The following BMPR1B variants were observed in gnomAD, a reference collection of about 807,000 sequenced individuals.
The protein encoded by BMPR1B is bone morphogenetic protein receptor type 1B.
A neutral mutation model predicts 59.1 loss-of-function variants in BMPR1B; 12 were observed. The ratio of observed to expected loss-of-function variants is 0.20; its 90% CI spans 0.13 to 0.33. The LOEUF is 0.33. Ranked by LOEUF, BMPR1B falls within the 10% of genes least tolerant of loss-of-function variation. BMPR1B has a pLI of 1.00. For missense variants in BMPR1B, 550 were observed against 610.9 expected (o/e 0.90, Z 1.05); for synonymous variants, 237 against 207.3 (o/e 1.14, Z -1.23).
chr4:94,810,514 G>T (rs184689635), intron 1 of BMPR1B, among the ~76,000 whole-genome samples: 6 of 152,110 alleles, frequency 3.9e-5, no homozygotes, highest in African/African-American at 1.4e-4. Context: ...TTGTGTTGTT[G>T]CCCAGAGGAC....
chr4:94,839,956 G>GT (rs1488899402), intron 1 of BMPR1B, among the ~76,000 whole-genome samples: 1 of 151,648 alleles, frequency 6.6e-6, no homozygotes, highest in Non-Finnish European at 1.5e-5. Context: ...GGCAGGCCTG[G>GT]TGGTGACAAA....
intron 3 of BMPR1B, among the ~76,000 whole-genome samples, chr4:95,004,667 T>C (rs1722695876): frequency 6.6e-6 from 1 of 152,188 alleles, no homozygotes; most frequent in Non-Finnish European, 1.5e-5. Flanking sequence ...TCTACTTCTC[T>C]CTATACCAAT....
intron 2 of BMPR1B, among the ~76,000 whole-genome samples, chr4:94,912,187 C>A (rs1728301330): frequency 6.6e-6 from 1 of 152,106 alleles, no homozygotes; most frequent in Non-Finnish European, 1.5e-5. Flanking sequence ...AATTATCTCC[C>A]ACCGGGTCCC....
chr4:95,034,774 T>C (rs547136473), intron 3 of BMPR1B, among the ~76,000 whole-genome samples: 2 of 151,930 alleles, frequency 1.3e-5, no homozygotes, highest in African/African-American at 4.8e-5. Context: ...ATAACTTTTT[T>C]TTCCCTCTGG....
At chr4:94,814,124 A>T (rs933860547) in intron 1 of BMPR1B, among the ~76,000 whole-genome samples, 2 of 152,222 alleles carry the variant, frequency 1.3e-5, no homozygotes, top group Non-Finnish European at 2.9e-5. Flanking sequence ...CTCAAATCCG[A>T]TCTGTTCAGG....
At chr4:95,009,225 C>A (rs1482169049) in intron 3 of BMPR1B, among the ~76,000 whole-genome samples, 1 of 152,088 alleles carries the variant, frequency 6.6e-6, no homozygotes, top group Non-Finnish European at 1.5e-5. Context: ...AAATTGAAAC[C>A]GAACATAAAC....
chr4:95,112,814 C>T (rs763205059), intron 4 of BMPR1B, among the ~76,000 whole-genome samples: 1 of 152,004 alleles, frequency 6.6e-6, no homozygotes, highest in East Asian at 1.9e-4. Flanking sequence ...ATAGCTTTAC[C>T]AGCTTTTTCT....
chr4:95,088,175 G>T (rs1226026701), intron 3 of BMPR1B, among the ~76,000 whole-genome samples: 1 of 152,066 alleles, frequency 6.6e-6, no homozygotes, highest in South Asian at 2.1e-4. Context: ...CTTTTCTGCT[G>T]TTTATCCTAA....
At position 95,114,604 on chromosome 4, in the gene BMPR1B, A is replaced by G. The variant is rs370677580; in HGVS notation, c.144-116A>G. The G allele has an allele frequency of 1.8e-4, 167 of 926,300 alleles. 3 individuals are homozygous for G. In the East Asian group the frequency reaches 3.4e-3, roughly 19 times the overall value. 57.4% of individuals were successfully genotyped at this position (926,300 alleles called of 1,614,324 possible). On this transcript the variant is annotated intron_variant, in intron 4 of 12. Transcript: ENST00000515059. ...GATCATTGACATTCTCCTTGTTGCA[A>G]TAAAACAAATGATACACATCACTTA...
At chr4:94,760,065 C>T (rs1024788133) in intron 1 of BMPR1B, among the ~76,000 whole-genome samples, 8 of 152,182 alleles carry the variant, frequency 5.3e-5, no homozygotes, top group Non-Finnish European at 1.0e-4. Flanking sequence ...GATATGATCT[C>T]ATTACTCATG....
At chr4:95,006,997 C>T (rs576850994) in intron 3 of BMPR1B, among the ~76,000 whole-genome samples, 21 of 152,258 alleles carry the variant, frequency 1.4e-4, no homozygotes, top group Middle Eastern at 3.4e-3. Context: ...CAGAGAGCAG[C>T]AACTCTATTC....
chr4:95,117,484 T>C (rs1241000972), intron 6 of BMPR1B, among the ~76,000 whole-genome samples: 3 of 151,972 alleles, frequency 2.0e-5, no homozygotes, highest in Non-Finnish European at 4.4e-5. Flanking sequence ...AAAAATCCCA[T>C]AATTAAGAGA....
rs376149528 is a variant in BMPR1B at position 94,942,092 on chromosome 4, CAG to C, written c.-112-53946_-112-53945del. 8.4e-4 allele frequency among the ~76,000 whole-genome samples: 128 copies of C among 152,312 alleles called. 2 individuals carry two copies. Among genetic ancestry groups the C allele is most frequent in the African/African-American group, 3.0e-3 (123 of 41,570 alleles). Reference sequence around the variant, plus strand: ...TAAAGTAGGTAGAAGTGGCAGGTCTCAGATTGTTTTGCATGTAGCACTGGTAC... The same window carrying C: ...TAAAGTAGGTAGAAGTGGCAGGTCTCATTGTTTTGCATGTAGCACTGGTAC... On this transcript the variant is annotated intron_variant, in intron 2 of 12. Transcript: ENST00000515059.
At chr4:95,032,265 G>A (rs1724923274) in intron 3 of BMPR1B, among the ~76,000 whole-genome samples, 1 of 151,880 alleles carries the variant, frequency 6.6e-6, no homozygotes, top group South Asian at 2.1e-4. Context: ...GAGAGAGAGA[G>A]AGTGAGAGAG....
intron 3 of BMPR1B, among the ~76,000 whole-genome samples, chr4:95,088,616 C>A (rs1729761709): frequency 6.6e-6 from 1 of 151,846 alleles, no homozygotes; most frequent in Non-Finnish European, 1.5e-5. Flanking sequence ...AGAATGGGAG[C>A]CACTAGGAAA....
intron 2 of BMPR1B, among the ~76,000 whole-genome samples, chr4:94,990,764 T>A (rs1345281135): frequency 6.6e-6 from 1 of 152,228 alleles, no homozygotes; most frequent in Non-Finnish European, 1.5e-5. Context: ...TACATATGTA[T>A]ACATGTGCCA....
chr4:95,080,330 G>T (rs536926565), intron 3 of BMPR1B, among the ~76,000 whole-genome samples: 117 of 152,196 alleles, frequency 7.7e-4, no homozygotes, highest in African/African-American at 2.7e-3. Context: ...TCCACCTCCT[G>T]GGTTCAAGTG....
At chr4:95,077,152 A>G (rs147131966) in intron 3 of BMPR1B, among the ~76,000 whole-genome samples, 476 of 152,232 alleles carry the variant, frequency 3.1e-3, no homozygotes, top group Non-Finnish European at 5.8e-3. Context: ...TGTATTTTGT[A>G]GTAATGGAAC....
At chr4:94,898,716 A>ACG (rs1330019751) in intron 2 of BMPR1B, among the ~76,000 whole-genome samples, 2 of 88,006 alleles carry the variant, frequency 2.3e-5, no homozygotes, top group South Asian at 4.8e-4. Context: ...TACACTTTAA[A>ACG]CACTTCATTT....
Sources: gnomAD v4.1 joint callset for allele counts (sites outside exome capture counted in the v4.1 genomes callset) on GRCh38, gnomAD v4.1.1 for gene constraint, MANE v1.5 for transcripts, NCBI Gene and HGNC (gene_info 2026-07-23, HGNC 2026-07-21) for gene names.